Variants in STK32A observed in about 807,000 individuals in gnomAD.
STK32A encodes the protein serine/threonine-protein kinase 32A.
Under a neutral mutation model 53.2 loss-of-function variants are expected in STK32A, and 41 were observed. That is an observed-to-expected ratio of 0.77 (90% CI 0.60 to 1.00). The LOEUF (loss-of-function observed/expected upper bound fraction) is 1.00, where lower values mean the gene tolerates loss of function less well. STK32A is among the 50% of genes least tolerant of loss of function. The pLI is 0.00. For missense variants in STK32A, 458 were observed against 485.8 expected (o/e 0.94, Z 0.54); for synonymous variants, 166 against 162.8 (o/e 1.02, Z -0.15).
At chr5:147,314,484 G>A (rs1020831828) in intron 4 of STK32A, among the ~76,000 whole-genome samples, 12 of 122,160 alleles carry the variant, frequency 9.8e-5, no homozygotes, top group African/African-American at 4.2e-4. Flanking sequence ...GGCAACAAGA[G>A]CGAAACTCCA....
intron 2 of STK32A, among the ~76,000 whole-genome samples, chr5:147,260,377 C>T (rs569036119): frequency 2.0e-5 from 3 of 151,680 alleles, no homozygotes; most frequent in Non-Finnish European, 4.4e-5. Flanking sequence ...CCTCTGCCAG[C>T]TGCTTATGCT....
At chr5:147,278,505 C>T (rs1394217334) in intron 3 of STK32A, among the ~76,000 whole-genome samples, 2 of 152,034 alleles carry the variant, frequency 1.3e-5, no homozygotes, top group African/African-American at 4.8e-5. Context: ...AGCTGTATGC[C>T]CAGTAATAGT....
At chr5:147,319,631 T>G (rs183361804) in intron 4 of STK32A, among the ~76,000 whole-genome samples, 13 of 152,308 alleles carry the variant, frequency 8.5e-5, no homozygotes, top group Non-Finnish European at 1.9e-4. Flanking sequence ...TGATGGGTCA[T>G]TGCTCCAAAG....
chr5:147,392,502 C>T (rs1757840884), downstream of STK32A: 1 of 152,214 alleles, frequency 6.6e-6, no homozygotes, highest in South Asian at 2.1e-4. Flanking sequence ...GGTGCTACCA[C>T]TTGGATTCCC....
the STK32A span, chr5:147,397,728 G>A: frequency 3.7e-6 from 6 of 1,614,122 alleles, no homozygotes; most frequent in Non-Finnish European, 4.2e-6. Context: ...GGTATGAAGC[G>A]GCCAGCCCCC....
intron 4 of STK32A, among the ~76,000 whole-genome samples, chr5:147,322,310 T>G (rs1321996142): frequency 6.6e-6 from 1 of 152,266 alleles, no homozygotes; most frequent in African/African-American, 2.4e-5. Context: ...TTCCAAGACG[T>G]ATTCTGTGTA....
chr5:147,394,178 G>A, the STK32A span: 1 of 1,573,588 alleles, frequency 6.4e-7, no homozygotes, highest in Non-Finnish European at 8.7e-7. Flanking sequence ...GGCGGGTAGG[G>A]GGATGTGGGC....
In STK32A at chr5:147,237,230, G is replaced by A. The variant is rs185656201; in HGVS notation, c.-97+2031G>A. On this transcript the variant is annotated intron_variant, in intron 1 of 12. Transcript: ENST00000397936. ...TGGGAGGCTGAGGCAGGAGAATGGC[G>A]TGAACCCAGGAGGCAGAGCTTGCAG... Among the ~76,000 whole-genome samples, 9 of 151,944 alleles carry A rather than the reference G, an allele frequency of 5.9e-5. No homozygotes were observed. In the East Asian group the frequency reaches 9.7e-4, roughly 16 times the overall value.
Position 147,279,276 on chromosome 5 carries a change from G to GA in STK32A, c.140dup (p.Met48AspfsTer9). On this transcript the variant is annotated frameshift_variant, in exon 4 of 13. Coordinates refer to ENST00000397936, the MANE Select transcript of STK32A (RefSeq NM_001112724.2). LOFTEE classifies it high-confidence loss of function. ...GCATTGTACAGAAGAATGATACCAA[G>GA]AAGATGTACGCAATGAAGTACATGA... 6.2e-7 allele frequency: 1 copy of GA among 1,613,886 alleles called. No homozygotes were observed. Among genetic ancestry groups the GA allele is most frequent in the Non-Finnish European group, 8.5e-7 (1 of 1,179,836 alleles).
rs772736650 is a variant in STK32A at position 147,386,990 on chromosome 5, CAG to C, written c.*3010_*3011del. 4 of 152,204 alleles carry C rather than the reference CAG, an allele frequency of 2.6e-5. No individual in the cohort carries two copies. The highest frequency in any genetic ancestry group is 5.9e-5 in the Non-Finnish European group (4 of 68,030). The allele number at this position is 152,204 out of a possible 1,614,324, so 9.4% of individuals were successfully genotyped here. ...TTCCGGAGTTGTGACAACCGAGGCT[CAG>C]AGCTGTGATTTTTAGAAAACAAGAT... On this transcript the variant is annotated 3_prime_UTR_variant, in exon 13 of 13. Transcript: ENST00000397936.
intron 4 of STK32A, among the ~76,000 whole-genome samples, chr5:147,303,103 C>T (rs1191877426): frequency 6.6e-6 from 1 of 152,160 alleles, no homozygotes; most frequent in Non-Finnish European, 1.5e-5. Flanking sequence ...CACATTTACA[C>T]ACATAATGTA....
chr5:147,264,474 G>A (rs1042625514), intron 2 of STK32A, among the ~76,000 whole-genome samples: 1 of 152,152 alleles, frequency 6.6e-6, no homozygotes, highest in Non-Finnish European at 1.5e-5. Context: ...GTCAACATGT[G>A]TAAACAAGAC....
intron 6 of STK32A, chr5:147,348,901 T>A (rs1255636306): frequency 5.2e-6 from 3 of 580,380 alleles, no homozygotes; most frequent in Non-Finnish European, 9.5e-6. Context: ...AGACTATGAT[T>A]ATCTTTCCAA....
intron 7 of STK32A, among the ~76,000 whole-genome samples, chr5:147,354,155 G>A (rs1323117903): frequency 6.6e-6 from 1 of 152,092 alleles, no homozygotes; most frequent in African/African-American, 2.4e-5. Flanking sequence ...TTACCAGTGG[G>A]GGGAATAAAT....
intron 5 of STK32A, among the ~76,000 whole-genome samples, chr5:147,342,206 C>T (rs1043625591): frequency 6.6e-6 from 1 of 152,130 alleles, no homozygotes; most frequent in Non-Finnish European, 1.5e-5. Context: ...AATAAAAATA[C>T]CTTAATCTTT....
In STK32A at chr5:147,355,788, G is replaced by GTATATATA. The variant is rs1354487817; in HGVS notation, c.562+4635_562+4636insATATATAT. 5.5e-4 allele frequency among the ~76,000 whole-genome samples: 76 copies of GTATATATA among 137,574 alleles called. 1 individual carries two copies. Among genetic ancestry groups the GTATATATA allele is most frequent in the African/African-American group, 1.8e-3 (67 of 37,466 alleles). The allele number at this position is 137,574 out of a possible 152,430, so 90.3% of individuals were successfully genotyped here. The stretch of plus-strand genomic sequence containing the variant: ...TGTATATGTATGTGTGTGAGTGTGT[G>GTATATATA]TGTGTATATATATATATATATATAA... On this transcript the variant is annotated intron_variant, in intron 7 of 12. Transcript: ENST00000397936.
intron 8 of STK32A, among the ~76,000 whole-genome samples, chr5:147,367,898 C>T (rs185569182): frequency 1.3e-5 from 2 of 152,270 alleles, no homozygotes; most frequent in African/African-American, 4.8e-5. Context: ...CAAAATGTAG[C>T]TTATCTGAAG....
intron 2 of STK32A, among the ~76,000 whole-genome samples, chr5:147,273,188 A>C (rs1417266514): frequency 1.3e-5 from 2 of 152,200 alleles, no homozygotes; most frequent in Non-Finnish European, 2.9e-5. Context: ...GAAGATGGTA[A>C]GTGAAATAAA....
chr5:147,266,225 A>G (rs1754801171), intron 2 of STK32A, among the ~76,000 whole-genome samples: 1 of 152,170 alleles, frequency 6.6e-6, no homozygotes, highest in South Asian at 2.1e-4. Flanking sequence ...GCGGTTGTGA[A>G]GCGGATGGAG....
Sources: allele counts gnomAD v4.1 joint callset (sites outside exome capture counted in the v4.1 genomes callset), GRCh38; gene constraint gnomAD v4.1.1; transcripts MANE v1.5; gene names NCBI Gene and HGNC (gene_info 2026-07-23, HGNC 2026-07-21).